The following HPN variants were observed in gnomAD, a reference collection of about 807,000 sequenced individuals.
HPN encodes the protein hepsin, also known as serine protease hepsin.
Under a neutral mutation model 55.9 loss-of-function variants are expected in HPN, and 13 were observed. That is an observed-to-expected ratio of 0.23 (90% CI 0.15 to 0.37). The LOEUF is 0.37. HPN is among the 10% of genes least tolerant of loss of function. The pLI is 1.00. For synonymous variants in HPN, 225 were observed against 240.3 expected (o/e 0.94, Z 0.59); for missense variants, 451 against 575.8 (o/e 0.78, Z 2.22).
chr19:35,046,445 A>G (rs1324231247), intron 2 of HPN, among the ~76,000 whole-genome samples: 3 of 151,898 alleles, frequency 2.0e-5, no homozygotes, highest in African/African-American at 7.3e-5. Context: ...GGGTTTCACC[A>G]TGTTGGCCAG....
At chr19:35,040,883 C>T (rs1320887809), upstream of HPN, among the ~76,000 whole-genome samples, 1 of 152,070 alleles carries the variant, frequency 6.6e-6, no homozygotes, top group Non-Finnish European at 1.5e-5. Context: ...ACAGCGGGCA[C>T]GTGTGGGTAA....
chr19:35,065,856 C>T lies in HPN; in HGVS notation c.1051-12C>T, dbSNP rs765322605. On this transcript the variant is annotated splice_polypyrimidine_tract_variant and intron_variant, in intron 11 of 12. Coordinates refer to ENST00000672452, the MANE Select transcript of HPN (RefSeq NM_001384133.1). ...CTTTGGCCTTCAGCCAGACCTCCCT[C>T]TCCCCTCCCAGGGCGACAGCGGTGG... 1 of 1,613,554 alleles carries T rather than the reference C, an allele frequency of 6.2e-7. No individual in the cohort carries two copies. The highest frequency in any genetic ancestry group is 1.7e-5 in the Admixed American group (1 of 60,022).
upstream of HPN, among the ~76,000 whole-genome samples, chr19:35,040,925 C>G (rs2064287273): frequency 6.6e-6 from 1 of 152,160 alleles, no homozygotes; most frequent in East Asian, 1.9e-4. Flanking sequence ...GGTGGCCTAT[C>G]TGGGGCAAGC....
intron 4 of HPN, among the ~76,000 whole-genome samples, chr19:35,053,859 A>C (rs1458656275): frequency 6.8e-6 from 1 of 147,306 alleles, no homozygotes; most frequent in African/African-American, 2.5e-5. Context: ...TGAGGACCCC[A>C]CAGCCAGAGG....
At chr19:35,057,080 C>A (rs7252069) in intron 4 of HPN, among the ~76,000 whole-genome samples, 7 of 152,026 alleles carry the variant, frequency 4.6e-5, no homozygotes, top group African/African-American at 1.7e-4. Flanking sequence ...CTCACTTAAC[C>A]GACAGTCACA....
At position 35,049,857 on chromosome 19, in the gene HPN, G is replaced by GTTTTT. The variant is rs1245207536; in HGVS notation, c.160+344_160+345insTTTTT. On this transcript the variant is annotated intron_variant, in intron 4 of 12. Transcript: ENST00000672452. ...GTAAGTAAAGGTTATGCTAATTTTT[G>GTTTTT]TTTGTTTTTTTTTTTTTTTGCATCC... Among the ~76,000 whole-genome samples the GTTTTT allele has an allele frequency of 4.8e-5, 4 of 82,706 alleles. 1 individual carries two copies. Among genetic ancestry groups the GTTTTT allele is most frequent in the Non-Finnish European group, 2.4e-5 (1 of 41,630 alleles). 54.3% of individuals were successfully genotyped at this position (82,706 alleles called of 152,430 possible).
chr19:35,059,991 C>A lies in HPN; in HGVS notation c.408C>A (p.Ser136=). 3 of 1,582,186 alleles carry A rather than the reference C, an allele frequency of 1.9e-6. No homozygotes were observed. The highest frequency in any genetic ancestry group is 2.6e-6 in the Non-Finnish European group (3 of 1,162,946). The part of the protein sequence containing the change: ...PHTQRLLEVI[S]VCDCPRGRFL... ...CCCAGAGGCTGCTGGAGGTCATCTC[C>A]GTGTGGTGAGGAGGGCAGCGGGCAG... The change falls in exon 6 of 13, where the codon TCC becomes TCA. Residue 136 remains serine (S), a synonymous_variant. Transcript: ENST00000672452.
At chr19:35,052,276 C>T (rs1460058930) in intron 4 of HPN, among the ~76,000 whole-genome samples, 6 of 152,060 alleles carry the variant, frequency 3.9e-5, no homozygotes, top group Admixed American at 3.9e-4. Flanking sequence ...CCCTGTAATC[C>T]CAGCACTTTG....
chr19:35,044,621 C>G (rs1398001445), intron 2 of HPN, among the ~76,000 whole-genome samples: 2 of 152,160 alleles, frequency 1.3e-5, no homozygotes, highest in South Asian at 4.1e-4. Flanking sequence ...TTTGGAAGCT[C>G]TCTCTGGTAC....
At chr19:35,057,358 G>A (rs373727995) in intron 4 of HPN, among the ~76,000 whole-genome samples, 8 of 151,730 alleles carry the variant, frequency 5.3e-5, no homozygotes, top group East Asian at 1.9e-4. Context: ...TCCGGGAGGC[G>A]GAGGTTACAG....
At chr19:35,055,974 C>T (rs1342249819) in intron 4 of HPN, among the ~76,000 whole-genome samples, 2 of 152,004 alleles carry the variant, frequency 1.3e-5, no homozygotes, top group African/African-American at 4.8e-5. Context: ...TTTCTAGCTC[C>T]CACCTGATCT....
chr19:35,064,322 C>G (rs1417781122), intron 9 of HPN, among the ~76,000 whole-genome samples: 1 of 148,964 alleles, frequency 6.7e-6, no homozygotes, highest in Non-Finnish European at 1.5e-5. Context: ...AGGAGTGTCT[C>G]TCTCTCTCTC....
At chr19:35,054,127 G>A (rs1364056323) in intron 4 of HPN, among the ~76,000 whole-genome samples, 1 of 152,106 alleles carries the variant, frequency 6.6e-6, no homozygotes, top group Non-Finnish European at 1.5e-5. Flanking sequence ...CATAGAAGTG[G>A]TCACTACTGG....
chr19:35,041,529 G>C, upstream of HPN: 1 of 647,686 alleles, frequency 1.5e-6, no homozygotes, highest in Non-Finnish European at 1.9e-6. Context: ...GCCTGTCCCT[G>C]TTCCCACATC....
chr19:35,048,027 A>AAGAAAGAAAGAAAG lies in HPN; in HGVS notation c.17-1262_17-1261insGAAAGAAAGAAAGA, dbSNP rs1491345857. Among the ~76,000 whole-genome samples, 5 of 53,402 alleles carry AAGAAAGAAAGAAAG rather than the reference A, an allele frequency of 9.4e-5. No homozygotes were observed. In the Admixed American group the frequency reaches 1.4e-3, roughly 15 times the overall value. 35.0% of individuals were successfully genotyped at this position (53,402 alleles called of 152,430 possible). On this transcript the variant is annotated intron_variant, in intron 2 of 12. Coordinates refer to ENST00000672452, the MANE Select transcript of HPN (RefSeq NM_001384133.1). ...AAGAAAAAGAAAGAGAGAGAGAGAG[A>AAGAAAGAAAGAAAG]AAAAGAAAGAAAGAAAGAAAGAAAG... is the stretch of plus-strand genomic sequence containing the variant.
chr19:35,060,312 C>T, intron 7 of HPN, 35 bp from the exon 8 acceptor site: 2 of 1,606,398 alleles, frequency 1.2e-6, no homozygotes, highest in Non-Finnish European at 8.5e-7. Flanking sequence ...GCTCCAGTCC[C>T]CTGTCGCCGC....
rs371562320 is a variant in HPN, at chr19:35,066,322, G to A, written c.*35G>A. 11 of 1,596,036 alleles carry A rather than the reference G, an allele frequency of 6.9e-6. No individual in the cohort carries two copies. The highest frequency in any genetic ancestry group is 4.0e-5 in the African/African-American group (3 of 74,392). On this transcript the variant is annotated 3_prime_UTR_variant, in exon 13 of 13. Transcript: ENST00000672452. ...TCTCGCTGCGCAGCCTCCAGGGCCCGAGGTGATCCCGGTGGTGGGATCCAC... is the reference window on the plus strand; with the variant it reads ...TCTCGCTGCGCAGCCTCCAGGGCCCAAGGTGATCCCGGTGGTGGGATCCAC...
chr19:35,041,677 T>TGCCCCC, upstream of HPN: 1 of 706,584 alleles, frequency 1.4e-6, no homozygotes, highest in Non-Finnish European at 1.7e-6. Flanking sequence ...GTCCGGCCCC[T>TGCCCCC]CCCCGCCCCT....
At chr19:35,059,507 G>C in intron 4 of HPN, 166 bp from the exon 5 acceptor site, 1 of 859,810 alleles carries the variant, frequency 1.2e-6, no homozygotes, top group South Asian at 1.4e-5. Context: ...CTTGAGTCAT[G>C]ATTCCAGATG....
Sources: gnomAD v4.1 joint callset for allele counts (sites outside exome capture counted in the v4.1 genomes callset) on GRCh38, gnomAD v4.1.1 for gene constraint, MANE v1.5 for transcripts, NCBI Gene and HGNC (gene_info 2026-07-23, HGNC 2026-07-21) for gene names.